The following HDX variants were observed in gnomAD, a reference collection of about 807,000 sequenced individuals.
HDX encodes highly divergent homeobox.
In HDX, 19 loss-of-function variants were observed where a neutral mutation model predicts 45.2. The observed-to-expected ratio is 0.42, with a 90% CI of 0.29 to 0.62. The LOEUF is 0.62. HDX is among the 20% of genes least tolerant of loss of function. HDX has a pLI of 0.20. For missense variants in HDX, 532 were observed against 493.9 expected (o/e 1.08, Z -0.73); for synonymous variants, 188 against 172.8 (o/e 1.09, Z -0.69).
intron 5 of HDX, among the ~76,000 whole-genome samples, chrX:84,403,509 A>G (rs1569319893): frequency 8.9e-6 from 1 of 111,734 alleles, no homozygotes; most frequent in Non-Finnish European, 1.9e-5. Flanking sequence ...TTCTAAGTAC[A>G]CTGAAATCTG....
chrX:84,414,692 A>G (rs10521367), intron 5 of HDX, among the ~76,000 whole-genome samples: 11,768 of 111,147 alleles, frequency 0.11, 608 homozygotes, highest in South Asian at 0.27. Context: ...GGGTATCATA[A>G]ACCAGAAAAG....
intron 2 of HDX, among the ~76,000 whole-genome samples, chrX:84,476,208 C>T: frequency 2.7e-5 from 3 of 111,133 alleles, no homozygotes; most frequent in African/African-American, 9.8e-5. Context: ...TCAGGTCAAA[C>T]TCTTCTTTAA....
At chrX:84,400,700 T>TA (rs2038681174) in intron 5 of HDX, among the ~76,000 whole-genome samples, 1 of 111,205 alleles carries the variant, frequency 9.0e-6, no homozygotes, top group Admixed American at 9.6e-5. Context: ...ATAGAAAAAC[T>TA]ACTTTAAATT....
chrX:84,454,489 G>T (rs972965981), intron 4 of HDX, among the ~76,000 whole-genome samples: 12 of 111,498 alleles, frequency 1.1e-4, no homozygotes, highest in Non-Finnish European at 2.1e-4. Context: ...AGACACCTCT[G>T]CATGTGGAAA....
intron 5 of HDX, among the ~76,000 whole-genome samples, chrX:84,389,575 C>G (rs1049502270): frequency 9.0e-6 from 1 of 111,545 alleles, no homozygotes; most frequent in African/African-American, 3.3e-5. Context: ...CAATGTTTTC[C>G]CAGGTCACCA....
intron 5 of HDX, among the ~76,000 whole-genome samples, chrX:84,401,776 A>G (rs2038712027): frequency 8.9e-6 from 1 of 112,235 alleles, no homozygotes; most frequent in African/African-American, 3.2e-5. Flanking sequence ...TTGCAGCACT[A>G]TTTACAAGAG....
chrX:84,379,327 T>C (rs1602347079), intron 5 of HDX, among the ~76,000 whole-genome samples: 1 of 110,401 alleles, frequency 9.1e-6, no homozygotes, highest in Admixed American at 9.7e-5. Context: ...GACAGGTCTT[T>C]CAGACAGCAA....
chrX:84,418,561 G>C (rs944119857), intron 5 of HDX, among the ~76,000 whole-genome samples: 1 of 111,080 alleles, frequency 9.0e-6, no homozygotes. Context: ...ATTGGGATTT[G>C]GCAACAGATT....
intron 8 of HDX, among the ~76,000 whole-genome samples, chrX:84,334,399 C>T (rs1237796102): frequency 1.8e-5 from 2 of 110,227 alleles, no homozygotes; most frequent in Non-Finnish European, 3.8e-5. Context: ...GATTTGTTTC[C>T]TTCACTGAAG....
intron 2 of HDX, among the ~76,000 whole-genome samples, chrX:84,479,919 T>C (rs1803770575): frequency 9.0e-6 from 1 of 111,310 alleles, no homozygotes; most frequent in Non-Finnish European, 1.9e-5. Flanking sequence ...TATTGAGTAT[T>C]GAGGGTTCCT....
In HDX at chrX:84,469,097, A is replaced by G. The variant is rs2040408567; in HGVS notation, c.626T>C (p.Val209Ala). ...GTGGCACACAGAAGGCTTTTGAGGTACTGTCATTTCAGAAGCTTGTACTGA... is the reference window on the plus strand; with the variant it reads ...GTGGCACACAGAAGGCTTTTGAGGTGCTGTCATTTCAGAAGCTTGTACTGA... ...NSSVQASEMTVPQKPSVCHRP... is the reference protein window; with the variant it reads ...NSSVQASEMTAPQKPSVCHRP... Residue 209 changes from valine (V) to alanine (A), a missense_variant, in exon 4 of 11, where the codon GTA becomes GCA. Transcript: ENST00000373177. 5 of 1,211,700 alleles carry G rather than the reference A, an allele frequency of 4.1e-6. No individual in the cohort carries two copies. The East Asian group carries it at 1.5e-4, about 36-fold the overall frequency.
chrX:84,465,635 A>G (rs936504553), intron 4 of HDX, among the ~76,000 whole-genome samples: 3 of 111,883 alleles, frequency 2.7e-5, no homozygotes, highest in African/African-American at 9.8e-5. Flanking sequence ...ACACATGGAC[A>G]CAGGGAGAGG....
intron 5 of HDX, among the ~76,000 whole-genome samples, chrX:84,400,585 T>C (rs1468093182): frequency 1.8e-5 from 2 of 110,901 alleles, no homozygotes; most frequent in Admixed American, 1.9e-4. Flanking sequence ...CATTCTATCC[T>C]CATGGATAGG....
chrX:84,429,047 A>T (rs949233891), intron 5 of HDX, among the ~76,000 whole-genome samples: 1 of 110,828 alleles, frequency 9.0e-6, no homozygotes, highest in Non-Finnish European at 1.9e-5. Context: ...TCACTGATTT[A>T]TTCATCTAAC....
chrX:84,434,890 A>G (rs1202556206), intron 5 of HDX, among the ~76,000 whole-genome samples: 1 of 111,008 alleles, frequency 9.0e-6, no homozygotes, highest in Non-Finnish European at 1.9e-5. Flanking sequence ...TCTTGGTTCA[A>G]TGTTAGTAAG....
At chrX:84,383,884 T>C (rs1308230678) in intron 5 of HDX, among the ~76,000 whole-genome samples, 1 of 111,768 alleles carries the variant, frequency 8.9e-6, no homozygotes, top group Non-Finnish European at 1.9e-5. Context: ...CATGATTTTG[T>C]TCCCTTTTAT....
Position 84,396,281 on chromosome X carries a change from T to TA in HDX, c.1306-34670_1306-34669insT, listed in dbSNP as rs1398588373. Among the ~76,000 whole-genome samples, 19 of 112,444 alleles carry TA rather than the reference T, an allele frequency of 1.7e-4. No homozygotes were observed. The East Asian group carries it at 4.5e-3, about 27-fold the overall frequency. The stretch of plus-strand genomic sequence containing the variant: ...AGGCCACTTTGGTTTTGATTCTGGG[T>TA]GCATGCAGTAGAATACTCGCTGTAT... On this transcript the variant is annotated intron_variant, in intron 5 of 10. Transcript: ENST00000373177.
intron 5 of HDX, among the ~76,000 whole-genome samples, chrX:84,364,757 C>T (rs1569296584): frequency 9.1e-6 from 1 of 110,256 alleles, no homozygotes; most frequent in Non-Finnish European, 1.9e-5. Context: ...GCAAACTCCC[C>T]ATTTCCCTCT....
chrX:84,326,125 T>C, intron 10 of HDX, 53 bp downstream of exon 10: 2 of 1,138,425 alleles, frequency 1.8e-6, no homozygotes, highest in Non-Finnish European at 2.4e-6. Context: ...AAGTGTGACA[T>C]ACCATTTTTT....
Sources: allele counts gnomAD v4.1 joint callset (sites outside exome capture counted in the v4.1 genomes callset), GRCh38; gene constraint gnomAD v4.1.1; transcripts MANE v1.5; gene names NCBI Gene and HGNC (gene_info 2026-07-23, HGNC 2026-07-21).